The following NEGR1 variants were observed in gnomAD, a reference collection of about 807,000 sequenced individuals.
The protein encoded by NEGR1 is neuronal growth regulator 1, also known as IgLON family member 4.
NEGR1 carries 10 observed loss-of-function variants against 40.9 expected under a neutral mutation model. That is an observed-to-expected ratio of 0.24 (90% CI 0.15 to 0.42). The LOEUF is 0.42. Among genes scored for constraint, NEGR1 ranks in the 10% least tolerant of loss-of-function variants. NEGR1 has a pLI of 1.00. For synonymous variants in NEGR1, 185 were observed against 166.8 expected, an observed-to-expected ratio of 1.11 and a Z score of -0.84; for missense variants, 352 against 438.9, an observed-to-expected ratio of 0.80 and a Z score of 1.77.
At chr1:71,809,444 T>G (rs1022686279) in intron 2 of NEGR1, among the ~76,000 whole-genome samples, 2 of 152,170 alleles carry the variant, frequency 1.3e-5, no homozygotes, top group African/African-American at 4.8e-5. Flanking sequence ...AAATTATTTC[T>G]TGTGTGTCAT....
At chr1:71,689,640 T>C (rs1653184001) in intron 4 of NEGR1, among the ~76,000 whole-genome samples, 1 of 152,068 alleles carries the variant, frequency 6.6e-6, no homozygotes, top group African/African-American at 2.4e-5. Flanking sequence ...TCCATATATT[T>C]AAAATGTTTC....
intron 1 of NEGR1, among the ~76,000 whole-genome samples, chr1:72,210,655 C>A (rs1048790243): frequency 6.6e-6 from 1 of 151,728 alleles, no homozygotes; most frequent in African/African-American, 2.4e-5. Context: ...TTCTAGTTCT[C>A]ATAGTATTTT....
intron 6 of NEGR1, among the ~76,000 whole-genome samples, chr1:71,498,099 A>C (rs1286440627): frequency 6.6e-6 from 1 of 151,222 alleles, no homozygotes; most frequent in African/African-American, 2.4e-5. Context: ...TGTCTAATAA[A>C]ATATACAAAC....
At chr1:72,173,476 G>A (rs17097673) in intron 1 of NEGR1, among the ~76,000 whole-genome samples, 140 of 151,360 alleles carry the variant, frequency 9.2e-4, no homozygotes, top group African/African-American at 3.2e-3. Context: ...TAGAATAAGC[G>A]TTTGAAAAGT....
intron 1 of NEGR1, among the ~76,000 whole-genome samples, chr1:72,090,128 T>C (rs929071350): frequency 1.3e-5 from 2 of 152,040 alleles, no homozygotes; most frequent in African/African-American, 2.4e-5. Context: ...TAGTTGGGTA[T>C]TCATTTCTTA....
intron 4 of NEGR1, among the ~76,000 whole-genome samples, chr1:71,673,065 C>G (rs1652489687): frequency 6.6e-6 from 1 of 152,114 alleles, no homozygotes; most frequent in Non-Finnish European, 1.5e-5. Flanking sequence ...GAAACCCCAT[C>G]TCTACTGAAA....
At chr1:71,529,829 A>G (rs1647299750) in intron 6 of NEGR1, among the ~76,000 whole-genome samples, 1 of 151,178 alleles carries the variant, frequency 6.6e-6, no homozygotes, top group African/African-American at 2.4e-5. Flanking sequence ...GACTGAGACT[A>G]ATGAAAGAAT....
chr1:71,894,492 C>T lies in NEGR1; in HGVS notation c.409+40587G>A, dbSNP rs1266565420. Among the ~76,000 whole-genome samples the T allele has an allele frequency of 2.0e-5, 3 of 152,160 alleles. No homozygotes were observed. In the East Asian group the frequency reaches 5.8e-4, roughly 29 times the overall value. Reference sequence around the variant, plus strand: ...ACACTTTACATGGATAATATCACTTCCTCTTAAAACAACACTGAGATACAT... The same window carrying T: ...ACACTTTACATGGATAATATCACTTTCTCTTAAAACAACACTGAGATACAT... On this transcript the variant is annotated intron_variant, in intron 2 of 6. Coordinates refer to ENST00000357731, the MANE Select transcript of NEGR1 (RefSeq NM_173808.3).
At chr1:71,759,595 G>GTTTTTTT (rs1220949498) in intron 3 of NEGR1, among the ~76,000 whole-genome samples, 1 of 50,658 alleles carries the variant, frequency 2.0e-5, no homozygotes, top group Non-Finnish European at 3.6e-5. Context: ...CTGCGTCCAG[G>GTTTTTTT]CTTTTTTTTT....
chr1:72,270,857 G>A (rs751622706), intron 1 of NEGR1, among the ~76,000 whole-genome samples: 12 of 151,776 alleles, frequency 7.9e-5, no homozygotes, highest in Non-Finnish European at 1.5e-4. Context: ...GCTAAAACAC[G>A]TTTTAGTGTG....
intron 1 of NEGR1, among the ~76,000 whole-genome samples, chr1:71,973,185 G>A (rs879664556): frequency 3.3e-5 from 5 of 152,100 alleles, no homozygotes; most frequent in Non-Finnish European, 7.4e-5. Context: ...GCGTGGTGGC[G>A]GGCGCCTGTA....
chr1:71,883,623 C>T (rs866143340), intron 2 of NEGR1, among the ~76,000 whole-genome samples: 4 of 151,960 alleles, frequency 2.6e-5, no homozygotes, highest in East Asian at 1.9e-4. Context: ...ATGTGCACAA[C>T]GTGCAGGTTT....
intron 2 of NEGR1, among the ~76,000 whole-genome samples, chr1:71,860,998 G>T (rs560659607): frequency 6.6e-6 from 1 of 152,012 alleles, no homozygotes; most frequent in African/African-American, 2.4e-5. Flanking sequence ...GTTTGCTAAC[G>T]ATTAAAAGCT....
At chr1:71,622,580 C>A (rs1204124022) in intron 4 of NEGR1, among the ~76,000 whole-genome samples, 1 of 151,688 alleles carries the variant, frequency 6.6e-6, no homozygotes, top group Non-Finnish European at 1.5e-5. Context: ...ATTAATCATT[C>A]AAGGTATGTT....
At chr1:72,129,985 G>C (rs1650181110) in intron 1 of NEGR1, among the ~76,000 whole-genome samples, 4 of 151,986 alleles carry the variant, frequency 2.6e-5, no homozygotes, top group Admixed American at 2.6e-4. Flanking sequence ...TCACCCCCTA[G>C]ATACACTTCT....
At chr1:71,624,202 T>C (rs1314363432) in intron 4 of NEGR1, among the ~76,000 whole-genome samples, 1 of 151,984 alleles carries the variant, frequency 6.6e-6, no homozygotes, top group African/African-American at 2.4e-5. Context: ...TTTCTAAGTC[T>C]TGAGAGATGC....
chr1:71,586,808 G>A (rs1649323904), intron 6 of NEGR1, among the ~76,000 whole-genome samples: 1 of 152,146 alleles, frequency 6.6e-6, no homozygotes, highest in Non-Finnish European at 1.5e-5. Flanking sequence ...CATGACTTAT[G>A]TGATGATTAT....
At chr1:71,453,787 A>G (rs550995413) in intron 6 of NEGR1, among the ~76,000 whole-genome samples, 1 of 152,348 alleles carries the variant, frequency 6.6e-6, no homozygotes, top group African/African-American at 2.4e-5. Context: ...TGAAAAGCTA[A>G]TAAGGATCAG....
rs374091693 is a variant in NEGR1 at position 71,582,273 on chromosome 1, A to G, written c.940+10544T>C. On this transcript the variant is annotated intron_variant, in intron 6 of 6. Coordinates refer to ENST00000357731, the MANE Select transcript of NEGR1 (RefSeq NM_173808.3). ...AAACTATAGAAAATATAAGTGTTTA[A>G]CAAAAGACTGTTATGATGCAGAAAA... 1.8e-4 allele frequency among the ~76,000 whole-genome samples: 28 copies of G among 152,320 alleles called. No homozygotes were observed. The East Asian group carries it at 5.0e-3, about 27-fold the overall frequency.
Sources: allele counts gnomAD v4.1 joint callset (sites outside exome capture counted in the v4.1 genomes callset), GRCh38; gene constraint gnomAD v4.1.1; transcripts MANE v1.5; gene names NCBI Gene and HGNC (gene_info 2026-07-23, HGNC 2026-07-21).